SEPTIN7: variants seen among roughly 807,000 people sequenced by gnomAD.
SEPTIN7 encodes the protein septin-7.
Under a neutral mutation model 63.3 loss-of-function variants are expected in SEPTIN7, and 10 were observed. The observed-to-expected ratio is 0.16, with a 90% confidence interval of 0.10 to 0.27. The LOEUF (loss-of-function observed/expected upper bound fraction) is 0.27, where lower values mean the gene tolerates loss of function less well. Among genes scored for constraint, SEPTIN7 ranks in the 10% least tolerant of loss-of-function variants. The pLI is 1.00. For missense variants in SEPTIN7, 310 were observed against 521.0 expected, an observed-to-expected ratio of 0.59 and a Z score of 3.94; for synonymous variants, 131 against 165.3, an observed-to-expected ratio of 0.79 and a Z score of 1.59.
intron 1 of SEPTIN7, among the ~76,000 whole-genome samples, chr7:35,801,633 C>T (rs1690173374): frequency 1.3e-5 from 2 of 152,162 alleles, no homozygotes; most frequent in South Asian, 4.1e-4. Context: ...CAGTCTCCTC[C>T]CGGGCCCGCC....
chr7:35,847,889 A>G (rs1338162378), intron 3 of SEPTIN7: 4 of 152,256 alleles, frequency 2.6e-5, no homozygotes, highest in Admixed American at 6.5e-5. Context: ...CAAAGAGTTA[A>G]AAACTACCCA....
Position 35,863,456 on chromosome 7 carries a change from A to G in SEPTIN7, c.170-96A>G, listed in dbSNP as rs192388995. On this transcript the variant is annotated intron_variant, in intron 3 of 13. Coordinates refer to ENST00000350320, the MANE Select transcript of SEPTIN7 (RefSeq NM_001788.6). ...TCATTTCATTGTCTCACCAAGAAGT[A>G]CTTGCATAAGGCAAGTTTGATTATA... 224 of 653,882 alleles carry G rather than the reference A, an allele frequency of 3.4e-4. 1 individual carries two copies. The African/African-American group carries it at 3.7e-3, about 11-fold the overall frequency. The allele number at this position is 653,882 out of a possible 1,614,324, so 40.5% of individuals were successfully genotyped here.
chr7:35,831,398 A>G (rs1041093915), intron 1 of SEPTIN7, 94 bp from the exon 2 acceptor site: 2 of 381,144 alleles, frequency 5.2e-6, no homozygotes, highest in African/African-American at 4.4e-5. Flanking sequence ...ATATGTCATT[A>G]CAATTCTTGG....
chr7:35,899,543 A>G (rs573171271), intron 12 of SEPTIN7: 14 of 152,304 alleles, frequency 9.2e-5, no homozygotes, highest in African/African-American at 3.1e-4. Context: ...TCAAAAAACA[A>G]ACAGACAAAC....
At chr7:35,826,042 T>C (rs1783495408) in intron 1 of SEPTIN7, among the ~76,000 whole-genome samples, 1 of 152,130 alleles carries the variant, frequency 6.6e-6, no homozygotes, top group Non-Finnish European at 1.5e-5. Flanking sequence ...AGGACATGCC[T>C]ATGTAATCTT....
intron 7 of SEPTIN7, among the ~76,000 whole-genome samples, chr7:35,880,176 A>G (rs1463909481): frequency 1.1e-5 from 1 of 88,342 alleles, no homozygotes; most frequent in African/African-American, 4.6e-5. Context: ...ACTCTTTAGA[A>G]TTATTTTCTT....
At chr7:35,840,668 G>GGT (rs1784367629) in intron 3 of SEPTIN7, among the ~76,000 whole-genome samples, 1 of 151,960 alleles carries the variant, frequency 6.6e-6, no homozygotes, top group African/African-American at 2.4e-5. Flanking sequence ...AGAGATTTAT[G>GGT]GTGTATTTGA....
At chr7:35,884,548 G>A (rs1787107070) in intron 9 of SEPTIN7, among the ~76,000 whole-genome samples, 1 of 152,108 alleles carries the variant, frequency 6.6e-6, no homozygotes, top group South Asian at 2.1e-4. Context: ...GGGGCCCAAA[G>A]TTTGCTCCCA....
In SEPTIN7 at chr7:35,884,050, T is replaced by G. The variant is rs76777699; in HGVS notation, c.820+63T>G. On this transcript the variant is annotated intron_variant, in intron 9 of 13. Transcript: ENST00000350320. ...TCAAAACTGATTAAAAATTTGTATT[T>G]ATAGTAAGTAGTACAGTATGCACAC... 7,265 of 1,008,354 alleles carry G rather than the reference T, an allele frequency of 7.2e-3. 89 individuals are homozygous for G. Among genetic ancestry groups the G allele is most frequent in the African/African-American group, 0.033 (2,070 of 63,104 alleles). 62.5% of individuals were successfully genotyped at this position (1,008,354 alleles called of 1,614,324 possible).
intron 11 of SEPTIN7, among the ~76,000 whole-genome samples, chr7:35,894,338 C>T (rs1030813398): frequency 6.6e-5 from 10 of 152,006 alleles, no homozygotes; most frequent in Non-Finnish European, 1.3e-4. Flanking sequence ...ATTTATTTTT[C>T]TGTTCTCTAT....
chr7:35,844,225 A>G (rs1784544599), intron 3 of SEPTIN7, among the ~76,000 whole-genome samples: 1 of 152,236 alleles, frequency 6.6e-6, no homozygotes, highest in Non-Finnish European at 1.5e-5. Context: ...AATAAAGGTT[A>G]TAGTAATGTA....
intron 1 of SEPTIN7, among the ~76,000 whole-genome samples, chr7:35,826,828 T>C (rs2111182): frequency 0.48 from 73,403 of 151,880 alleles, 19,447 homozygotes; most frequent in African/African-American, 0.71. Context: ...GTATTCAGAG[T>C]TTTAAAAATG....
intron 11 of SEPTIN7, among the ~76,000 whole-genome samples, chr7:35,895,467 TTAAA>T (rs1787903817): frequency 1.3e-5 from 2 of 152,186 alleles, no homozygotes; most frequent in African/African-American, 4.8e-5. Flanking sequence ...ATCTTAACTG[TTAAA>T]TAATTGCAAA....
chr7:35,801,307 G>A, intron 1 of SEPTIN7, 37 bp downstream of exon 1: 1 of 1,515,624 alleles, frequency 6.6e-7, no homozygotes, highest in South Asian at 1.2e-5. Context: ...CTTGGGGTCA[G>A]CGGCTCCGAA....
At chr7:35,868,952 A>G (rs543914049) in intron 4 of SEPTIN7, among the ~76,000 whole-genome samples, 2 of 152,338 alleles carry the variant, frequency 1.3e-5, no homozygotes, top group African/African-American at 2.4e-5. Context: ...TGTGACAGAC[A>G]TGGGCTTGGG....
At chr7:35,858,702 CAG>C (rs1201568039) in intron 3 of SEPTIN7, among the ~76,000 whole-genome samples, 30 of 130,152 alleles carry the variant, frequency 2.3e-4, no homozygotes, top group African/African-American at 8.1e-4. Context: ...TTTTTTGAGA[CAG>C]AGTTTCGCTC....
intron 7 of SEPTIN7, among the ~76,000 whole-genome samples, chr7:35,880,517 CCCTTTTTGTAAACAT>C (rs1166698005): frequency 6.6e-6 from 1 of 151,534 alleles, no homozygotes; most frequent in East Asian, 1.9e-4. Context: ...ATTTTTTTCC[CCCTTTTTGTAAACAT>C]CTGCTCAAAT....
At chr7:35,875,315 G>A (rs1327737969) in intron 6 of SEPTIN7, among the ~76,000 whole-genome samples, 6 of 151,940 alleles carry the variant, frequency 3.9e-5, no homozygotes, top group Admixed American at 3.9e-4. Flanking sequence ...TTTAGAAATG[G>A]AGCAAAGTTT....
intron 3 of SEPTIN7, among the ~76,000 whole-genome samples, chr7:35,862,598 C>T (rs540589853): frequency 1.3e-5 from 2 of 152,050 alleles, no homozygotes; most frequent in African/African-American, 4.8e-5. Flanking sequence ...TTGGCACGCT[C>T]TCAGTCAAAG....
Sources: gnomAD v4.1 joint callset for allele counts (sites outside exome capture counted in the v4.1 genomes callset) on GRCh38, gnomAD v4.1.1 for gene constraint, MANE v1.5 for transcripts, NCBI Gene and HGNC (gene_info 2026-07-23, HGNC 2026-07-21) for gene names.